The following RBPJ variants were observed in gnomAD, a reference collection of about 807,000 sequenced individuals.
RBPJ encodes recombination signal binding protein for immunoglobulin kappa J region, also known as recombining binding protein suppressor of hairless.
A neutral mutation model predicts 67.8 loss-of-function variants in RBPJ; 9 were observed. The ratio of observed to expected loss-of-function variants is 0.13; its 90% CI spans 0.08 to 0.23. The LOEUF is 0.23. Ranked by LOEUF, RBPJ falls within the 10% of genes least tolerant of loss-of-function variation. The probability of loss-of-function intolerance (pLI) is 1.00; values close to 1 mark genes in which losing one functional copy is unlikely to be tolerated. For synonymous variants in RBPJ, 198 were observed against 203.3 expected, an observed-to-expected ratio of 0.97 and a Z score of 0.22; for missense variants, 305 against 595.6, an observed-to-expected ratio of 0.51 and a Z score of 5.08.
chr4:26,223,482 A>AAACC (rs2109194399), intron 1 of RBPJ, among the ~76,000 whole-genome samples: 1 of 152,372 alleles, frequency 6.6e-6, no homozygotes, highest in East Asian at 1.9e-4. Flanking sequence ...GGTCTTGAAA[A>AAACC]GTAAAAAGTA....
chr4:26,315,167 AATAT>A (rs67496694), upstream of RBPJ, among the ~76,000 whole-genome samples: 208 of 74,768 alleles, frequency 2.8e-3, 7 homozygotes, highest in South Asian at 0.018. Context: ...AAAAAAAAAA[AATAT>A]ATATATATAT....
At chr4:26,219,562 C>T (rs11947845) in intron 1 of RBPJ, among the ~76,000 whole-genome samples, 3,596 of 152,196 alleles carry the variant, frequency 0.024, 161 homozygotes, top group African/African-American at 0.082. Flanking sequence ...GTCGAGCATC[C>T]GAAGTCCCTA....
At chr4:26,162,560 A>T (rs1453943053), upstream of RBPJ, among the ~76,000 whole-genome samples, 1 of 152,226 alleles carries the variant, frequency 6.6e-6, no homozygotes, top group Non-Finnish European at 1.5e-5. Context: ...CTTCACATGT[A>T]TTGATCTATT....
At chr4:26,421,305 T>G (rs1246588406) in intron 5 of RBPJ, among the ~76,000 whole-genome samples, 2 of 152,058 alleles carry the variant, frequency 1.3e-5, no homozygotes. Flanking sequence ...TTATGGAGAC[T>G]TTTCTTTTTT....
At chr4:26,226,800 C>G (rs2109198659) in intron 1 of RBPJ, among the ~76,000 whole-genome samples, 1 of 152,266 alleles carries the variant, frequency 6.6e-6, no homozygotes, top group South Asian at 2.1e-4. Flanking sequence ...GGATACCACA[C>G]ATAACCAATC....
At chr4:26,157,677 T>C in the RBPJ span, among the ~76,000 whole-genome samples, 1,371 of 152,340 alleles carry the variant, frequency 9.0e-3, 16 homozygotes, top group African/African-American at 0.031. Context: ...CCCATTAGGA[T>C]GGTTTATTTC....
downstream of RBPJ, chr4:26,434,983 A>G (rs1421644932): frequency 6.6e-6 from 1 of 152,270 alleles, no homozygotes. Flanking sequence ...AATACTTCAT[A>G]AAGATAAAAT....
intron 1 of RBPJ, among the ~76,000 whole-genome samples, chr4:26,342,920 C>G (rs1441419324): frequency 6.6e-6 from 1 of 152,106 alleles, no homozygotes; most frequent in Non-Finnish European, 1.5e-5. Context: ...TTTTGGTATT[C>G]TACATGTCAT....
the RBPJ span, among the ~76,000 whole-genome samples, chr4:26,117,837 G>A: frequency 6.6e-6 from 1 of 152,098 alleles, no homozygotes; most frequent in South Asian, 2.1e-4. Flanking sequence ...TATTAGTGGA[G>A]ACAGATGTGG....
At chr4:26,392,801 A>G (rs554351994) in intron 2 of RBPJ, among the ~76,000 whole-genome samples, 13 of 152,374 alleles carry the variant, frequency 8.5e-5, no homozygotes, top group African/African-American at 2.2e-4. Flanking sequence ...GTATTTTACT[A>G]TATTTCAATT....
intron 1 of RBPJ, among the ~76,000 whole-genome samples, chr4:26,168,260 C>T (rs1716401174): frequency 6.6e-6 from 1 of 152,092 alleles, no homozygotes; most frequent in African/African-American, 2.4e-5. Context: ...TCTTGTAGGG[C>T]AGGCCTGGTG....
chr4:26,357,192 GA>G (rs1397741591), intron 1 of RBPJ, among the ~76,000 whole-genome samples: 2 of 152,224 alleles, frequency 1.3e-5, no homozygotes, highest in Non-Finnish European at 2.9e-5. Context: ...TTTATTTCAA[GA>G]AAATAGCTAG....
chr4:26,142,151 T>G, the RBPJ span, among the ~76,000 whole-genome samples: 1 of 152,276 alleles, frequency 6.6e-6, no homozygotes, highest in African/African-American at 2.4e-5. Flanking sequence ...GCTAAGGGCA[T>G]CTGTTCTGTT....
intron 1 of RBPJ, among the ~76,000 whole-genome samples, chr4:26,282,819 C>T (rs1423924047): frequency 2.7e-5 from 4 of 150,430 alleles, no homozygotes; most frequent in South Asian, 4.2e-4. Flanking sequence ...CCACACCTGG[C>T]GGAGCTTCAT....
intron 1 of RBPJ, among the ~76,000 whole-genome samples, chr4:26,226,856 G>A (rs1406495471): frequency 1.3e-5 from 2 of 152,190 alleles, no homozygotes; most frequent in Non-Finnish European, 2.9e-5. Flanking sequence ...GGTTTAATGA[G>A]AAGACTAGGC....
chr4:26,161,013 C>T (rs1361559876), upstream of RBPJ, among the ~76,000 whole-genome samples: 1 of 152,216 alleles, frequency 6.6e-6, no homozygotes, highest in East Asian at 1.9e-4. Flanking sequence ...CTGTTCTTGG[C>T]CCATACTGCC....
chr4:26,420,480 A>G, intron 4 of RBPJ, 71 bp from the exon 5 acceptor site: 1 of 1,034,026 alleles, frequency 9.7e-7, no homozygotes, highest in Middle Eastern at 2.2e-4. Flanking sequence ...AACCATGGCC[A>G]TTCTGAGTTT....
At chr4:26,330,665 A>G (rs1220351278) in intron 1 of RBPJ, among the ~76,000 whole-genome samples, 2 of 152,182 alleles carry the variant, frequency 1.3e-5, no homozygotes, top group Admixed American at 6.5e-5. Flanking sequence ...CCATCTCTCA[A>G]TGTGCTTAAA....
intron 2 of RBPJ, among the ~76,000 whole-genome samples, chr4:26,396,573 G>A (rs1732142283): frequency 6.6e-6 from 1 of 152,206 alleles, no homozygotes; most frequent in African/African-American, 2.4e-5. Context: ...TGGCTTATTT[G>A]TACAATAACC....
Sources: allele counts gnomAD v4.1 joint callset (sites outside exome capture counted in the v4.1 genomes callset), GRCh38; gene constraint gnomAD v4.1.1; transcripts MANE v1.5; gene names NCBI Gene and HGNC (gene_info 2026-07-23, HGNC 2026-07-21).